Variants in UBE3D observed in about 807,000 individuals in gnomAD.
UBE3D encodes E3 ubiquitin-protein ligase E3D.
In UBE3D, 48 loss-of-function variants were observed where a neutral mutation model predicts 49.6. That is an observed-to-expected ratio of 0.97 (90% CI 0.77 to 1.23). UBE3D has a LOEUF of 1.23. Ranked by LOEUF, UBE3D falls within the 50% of genes most tolerant of loss-of-function variation. UBE3D has a pLI of 0.00. For synonymous variants in UBE3D, 189 were observed against 174.2 expected, an observed-to-expected ratio of 1.08 and a Z score of -0.67; for missense variants, 452 against 468.4, an observed-to-expected ratio of 0.96 and a Z score of 0.32.
intron 9 of UBE3D, among the ~76,000 whole-genome samples, chr6:82,903,398 T>C (rs1003104300): frequency 6.6e-6 from 1 of 152,118 alleles, no homozygotes; most frequent in Non-Finnish European, 1.5e-5. Context: ...AAAATAATTA[T>C]TTGATTAGAG....
chr6:83,009,210 T>TTGAAA (rs1582626246), intron 8 of UBE3D, among the ~76,000 whole-genome samples: 1 of 152,190 alleles, frequency 6.6e-6, no homozygotes. Flanking sequence ...AAAGACAAAC[T>TTGAAA]GGTACATCCA....
Position 83,018,956 on chromosome 6 carries a change from A to G in UBE3D, c.1010+17T>C. On this transcript the variant is annotated intron_variant, in intron 8 of 9. Transcript: ENST00000369747. The stretch of plus-strand genomic sequence containing the variant: ...CTAAAACATAATGTGGAAAGAGAAA[A>G]CAAATGCACAACTTACTTTTCATTC... 1 of 1,610,252 alleles carries G rather than the reference A, an allele frequency of 6.2e-7. No individual in the cohort carries two copies. The highest frequency in any genetic ancestry group is 1.1e-5 in the South Asian group (1 of 90,036).
intron 9 of UBE3D, among the ~76,000 whole-genome samples, chr6:82,922,198 AC>A (rs1298639148): frequency 6.6e-6 from 1 of 152,182 alleles, no homozygotes; most frequent in African/African-American, 2.4e-5. Flanking sequence ...AATTATTGAA[AC>A]TTATTCCAGA....
At chr6:83,051,664 T>C (rs898311275) in intron 3 of UBE3D, among the ~76,000 whole-genome samples, 12 of 152,204 alleles carry the variant, frequency 7.9e-5, no homozygotes, top group African/African-American at 2.9e-4. Flanking sequence ...TCAACTACAA[T>C]GTAAACTGAG....
At chr6:82,955,881 GAGA>G (rs1265784053) in intron 9 of UBE3D, among the ~76,000 whole-genome samples, 1 of 152,158 alleles carries the variant, frequency 6.6e-6, no homozygotes, top group African/African-American at 2.4e-5. Flanking sequence ...CCTACAAAAT[GAGA>G]AGATGTTCTT....
downstream of UBE3D, among the ~76,000 whole-genome samples, chr6:82,890,402 CACTT>C (rs1381552952): frequency 1.3e-5 from 2 of 152,170 alleles, no homozygotes. Context: ...GTAAATAACT[CACTT>C]TGAGCACGGG....
At chr6:83,009,652 A>G (rs1156584643) in intron 8 of UBE3D, among the ~76,000 whole-genome samples, 3 of 133,638 alleles carry the variant, frequency 2.2e-5, no homozygotes, top group Admixed American at 9.3e-5. Flanking sequence ...AGATTATGAC[A>G]TAAGAGAAAA....
intron 8 of UBE3D, among the ~76,000 whole-genome samples, chr6:82,986,489 A>AC (rs1245723496): frequency 2.0e-5 from 3 of 149,698 alleles, no homozygotes; most frequent in South Asian, 2.1e-4. Context: ...AAAAAAAAAA[A>AC]AAAAAAAAAC....
intron 9 of UBE3D, chr6:82,924,936 A>C (rs1773635280): frequency 6.6e-6 from 1 of 152,220 alleles, no homozygotes; most frequent in South Asian, 2.1e-4. Context: ...TGCTGGGCCT[A>C]AATGAGCTCA....
chr6:83,044,426 A>T lies in UBE3D; in HGVS notation c.597+2T>A, dbSNP rs1401268875. On this transcript the variant is annotated splice_donor_variant, in intron 4 of 9. Coordinates refer to ENST00000369747, the MANE Select transcript of UBE3D (RefSeq NM_198920.3). LOFTEE classifies it high-confidence loss of function. ...ACCATTTATTTTGAAATGATATTTT[A>T]CCAATTTACAATGGTTGTCAGAAGA... 6.2e-7 allele frequency: 1 copy of T among 1,612,882 alleles called. No individual in the cohort carries two copies. Among genetic ancestry groups the T allele is most frequent in the Non-Finnish European group, 8.5e-7 (1 of 1,179,100 alleles).
intron 8 of UBE3D, among the ~76,000 whole-genome samples, chr6:82,987,261 A>ACTGTGG (rs1163510054): frequency 6.6e-6 from 1 of 151,936 alleles, no homozygotes; most frequent in African/African-American, 2.4e-5. Flanking sequence ...TAATCCTTCC[A>ACTGTGG]CCTCAGCTAC....
At chr6:82,966,794 A>T (rs558081158) in intron 8 of UBE3D, among the ~76,000 whole-genome samples, 1 of 152,314 alleles carries the variant, frequency 6.6e-6, no homozygotes, top group South Asian at 2.1e-4. Flanking sequence ...AGATCTATTC[A>T]GCTCTTTCTT....
At chr6:83,064,091 G>C (rs1416671587) in intron 1 of UBE3D, among the ~76,000 whole-genome samples, 2 of 152,192 alleles carry the variant, frequency 1.3e-5, no homozygotes, top group Non-Finnish European at 2.9e-5. Context: ...CACATAGATG[G>C]AACGTGAATC....
At chr6:82,943,578 G>A (rs1775177911) in intron 9 of UBE3D, among the ~76,000 whole-genome samples, 1 of 152,124 alleles carries the variant, frequency 6.6e-6, no homozygotes, top group South Asian at 2.1e-4. Flanking sequence ...GGAGGTTGCA[G>A]TGAGCTGAGA....
chr6:83,064,399 T>G (rs1562243271), intron 1 of UBE3D, among the ~76,000 whole-genome samples: 1 of 152,100 alleles, frequency 6.6e-6, no homozygotes, highest in Non-Finnish European at 1.5e-5. Flanking sequence ...AGCTAATTTT[T>G]GTATTTTTAG....
At chr6:82,979,792 T>C (rs572712800) in intron 8 of UBE3D, among the ~76,000 whole-genome samples, 1 of 152,222 alleles carries the variant, frequency 6.6e-6, no homozygotes, top group Admixed American at 6.5e-5. Context: ...CCACACTCTA[T>C]GTCCATGTAC....
intron 9 of UBE3D, among the ~76,000 whole-genome samples, chr6:82,925,435 C>T (rs1773676700): frequency 1.3e-5 from 2 of 152,138 alleles, no homozygotes; most frequent in South Asian, 2.1e-4. Context: ...TCCTGTGAAG[C>T]CAGGACAGCA....
the UBE3D span, among the ~76,000 whole-genome samples, chr6:82,880,868 G>A: frequency 2.0e-5 from 3 of 152,132 alleles, no homozygotes; most frequent in South Asian, 2.1e-4. Context: ...GGGTGGCATC[G>A]TTGTTGGGCT....
intron 9 of UBE3D, among the ~76,000 whole-genome samples, chr6:82,939,778 C>A (rs966074553): frequency 2.0e-5 from 3 of 152,270 alleles, no homozygotes; most frequent in South Asian, 4.1e-4. Flanking sequence ...GAATGTATCT[C>A]TATCATTAAG....
Sources: allele counts gnomAD v4.1 joint callset (sites outside exome capture counted in the v4.1 genomes callset), GRCh38; gene constraint gnomAD v4.1.1; transcripts MANE v1.5; gene names NCBI Gene and HGNC (gene_info 2026-07-23, HGNC 2026-07-21).